The following ZNF98 variants were observed in gnomAD, a reference collection of about 807,000 sequenced individuals.
ZNF98 encodes the protein zinc finger protein 739.
A neutral mutation model predicts 12.8 loss-of-function variants in ZNF98; 8 were observed. The observed-to-expected ratio is 0.63, with a 90% CI of 0.37 to 1.13. The LOEUF (loss-of-function observed/expected upper bound fraction) is 1.13, where lower values mean the gene tolerates loss of function less well. Among genes scored for constraint, ZNF98 ranks in the 50% most tolerant of loss-of-function variants. ZNF98 has a pLI of 0.01. For missense variants in ZNF98, 379 were observed against 666.1 expected (o/e 0.57, Z 4.74); for synonymous variants, 112 against 223.5 (o/e 0.50, Z 4.45).
intron 3 of ZNF98, among the ~76,000 whole-genome samples, chr19:22,399,989 G>A (rs944735282): frequency 3.9e-5 from 6 of 152,142 alleles, no homozygotes; most frequent in African/African-American, 1.4e-4. Context: ...CTCTGCTAAT[G>A]CCCAAGATTG....
intron 3 of ZNF98, among the ~76,000 whole-genome samples, chr19:22,400,952 C>CG (rs200885386): frequency 0.018 from 1,680 of 95,292 alleles, 62 homozygotes; most frequent in African/African-American, 0.067. Flanking sequence ...GACACTGTCT[C>CG]AAAAAACAAA....
At chr19:22,401,762 G>C (rs1969460053) in intron 3 of ZNF98, among the ~76,000 whole-genome samples, 1 of 151,680 alleles carries the variant, frequency 6.6e-6, no homozygotes, top group Admixed American at 6.6e-5. Flanking sequence ...AGGGATTACA[G>C]GCGTGAGCCA....
rs117600560 is a variant in ZNF98 at position 22,399,957 on chromosome 19, A to G, written c.253+2832T>C. On this transcript the variant is annotated intron_variant, in intron 3 of 3. Transcript: ENST00000357774. ...ACAAGTGCCCTTAAAGAGCTTTGAGATCTATGGAGGGAGTTGTGAAACTCT... is the reference window on the plus strand; with the variant it reads ...ACAAGTGCCCTTAAAGAGCTTTGAGGTCTATGGAGGGAGTTGTGAAACTCT... Among the ~76,000 whole-genome samples the G allele has an allele frequency of 1.2e-4, 18 of 152,296 alleles. No individual in the cohort carries two copies. The East Asian group carries it at 2.7e-3, about 23-fold the overall frequency.
chr19:22,398,525 G>A (rs867057516), intron 3 of ZNF98, among the ~76,000 whole-genome samples: 25 of 151,802 alleles, frequency 1.6e-4, no homozygotes, highest in African/African-American at 5.3e-4. Flanking sequence ...GTCTGGCTAC[G>A]TTTTAAAATG....
At position 22,391,625 on chromosome 19, in the gene ZNF98, T is replaced by A; in HGVS notation, c.1610A>T (p.Lys537Met). Residue 537 changes from lysine to methionine, a missense_variant, in exon 4 of 4, where the codon AAG becomes ATG. Coordinates refer to ENST00000357774, the MANE Select transcript of ZNF98 (RefSeq NM_001098626.2). ...GAGTTTCTCTCCAGTATGAATCATC[T>A]TATGTCTGTTAAGAATAGAGGAGTT... ...FNNSSILNRHKMIHTGEKLYK... is the reference protein window; with the variant it reads ...FNNSSILNRHMMIHTGEKLYK... 1 of 1,613,624 alleles carries A rather than the reference T, an allele frequency of 6.2e-7. No individual in the cohort carries two copies. The highest frequency in any genetic ancestry group is 1.1e-5 in the South Asian group (1 of 91,032).
intron 1 of ZNF98, among the ~76,000 whole-genome samples, chr19:22,415,931 T>TAAA (rs35543907): frequency 1.0e-5 from 1 of 96,776 alleles, no homozygotes; most frequent in African/African-American, 4.3e-5. Flanking sequence ...CGTTCCTACT[T>TAAA]AAAAAAAAAA....
intron 1 of ZNF98, 73 bp downstream of exon 1, chr19:22,422,122 C>T: frequency 6.3e-7 from 1 of 1,593,064 alleles, no homozygotes; most frequent in Non-Finnish European, 8.6e-7. Flanking sequence ...GCCTGAGTCC[C>T]GCCACAGCCT....
intron 1 of ZNF98, among the ~76,000 whole-genome samples, chr19:22,404,089 G>A (rs1231161545): frequency 6.6e-6 from 1 of 152,186 alleles, no homozygotes; most frequent in African/African-American, 2.4e-5. Flanking sequence ...GCGTGGAGGC[G>A]AGAGCCTGTA....
At position 22,403,455 on chromosome 19, in the gene ZNF98, G is replaced by A; in HGVS notation, c.88C>T (p.Leu30=). The A allele has an allele frequency of 6.2e-7, 1 of 1,610,272 alleles. No individual in the cohort carries two copies. The highest frequency in any genetic ancestry group is 8.5e-7 in the Non-Finnish European group (1 of 1,179,192). Reference sequence around the variant, plus strand: ...TATAAATTCTGCTGTGCGGTGTCCAGGCATTGCCACTCCTCCAGAGAGAAT... The same window carrying A: ...TATAAATTCTGCTGTGCGGTGTCCAAGCATTGCCACTCCTCCAGAGAGAAT... The part of the protein sequence containing the change: ...LEFSLEEWQC[L]DTAQQNLYRN... Residue 30 remains leucine, a synonymous_variant, in exon 2 of 4, where the codon CTG becomes TTG. Transcript: ENST00000357774.
Position 22,413,738 on chromosome 19 carries a change from G to A in ZNF98, c.30+8457C>T, listed in dbSNP as rs767873834. 4.0e-4 allele frequency among the ~76,000 whole-genome samples: 61 copies of A among 151,894 alleles called. 1 individual carries two copies. Among genetic ancestry groups the A allele is most frequent in the Admixed American group, 1.1e-3 (16 of 15,224 alleles). Reference sequence around the variant, plus strand: ...ACACAAAATTAGCCAGGGTGGTGGCGCATGCCTGTAATCTCAGCTACTCAG... The same window carrying A: ...ACACAAAATTAGCCAGGGTGGTGGCACATGCCTGTAATCTCAGCTACTCAG... On this transcript the variant is annotated intron_variant, in intron 1 of 3. Coordinates refer to ENST00000357774, the MANE Select transcript of ZNF98 (RefSeq NM_001098626.2).
intron 3 of ZNF98, among the ~76,000 whole-genome samples, chr19:22,394,599 C>T (rs1467568974): frequency 6.6e-6 from 1 of 151,846 alleles, no homozygotes; most frequent in African/African-American, 2.4e-5. Context: ...GAAAACCAAA[C>T]ACCGCATGTT....
chr19:22,411,464 T>C (rs1969579444), intron 1 of ZNF98, among the ~76,000 whole-genome samples: 1 of 152,234 alleles, frequency 6.6e-6, no homozygotes, highest in South Asian at 2.1e-4. Flanking sequence ...AATTCTACCT[T>C]TGTGTCCAAC....
At chr19:22,417,496 A>G (rs75238205) in intron 1 of ZNF98, among the ~76,000 whole-genome samples, 5,367 of 152,172 alleles carry the variant, frequency 0.035, 324 homozygotes, top group African/African-American at 0.12. Context: ...ATAAAAATCT[A>G]TGAGTGGGAA....
chr19:22,401,608 C>T (rs1399678347), intron 3 of ZNF98, among the ~76,000 whole-genome samples: 1 of 151,584 alleles, frequency 6.6e-6, no homozygotes, highest in Admixed American at 6.6e-5. Context: ...CTCAGCCTCC[C>T]AAGTAGCTGG....
intron 1 of ZNF98, among the ~76,000 whole-genome samples, chr19:22,420,319 A>G (rs1969690311): frequency 6.6e-6 from 1 of 152,122 alleles, no homozygotes; most frequent in Non-Finnish European, 1.5e-5. Flanking sequence ...GAGTGCCCCA[A>G]GTGTATTTTA....
Position 22,391,728 on chromosome 19 carries a change from A to C in ZNF98, c.1507T>G (p.Ser503Ala), listed in dbSNP as rs752076106. 1.2e-6 allele frequency: 2 copies of C among 1,613,908 alleles called. No individual in the cohort carries two copies. The highest frequency in any genetic ancestry group is 1.7e-6 in the Non-Finnish European group (2 of 1,179,918). ...ATCATCTTATGTGTAGTAAGGTGTG[A>C]GGACTGGTTAAAAGCTTTGCCACAT... is the stretch of plus-strand genomic sequence containing the variant. ...EECGKAFNQS[S>A]HLTTHKMIHT... Residue 503 changes from serine (S) to alanine (A), a missense_variant, in exon 4 of 4, where the codon TCA (serine) becomes GCA (alanine). Physicochemically the swap from Ser to Ala is moderately conservative, Grantham distance 99 (BLOSUM62 1). Coordinates refer to ENST00000357774, the MANE Select transcript of ZNF98 (RefSeq NM_001098626.2).
intron 3 of ZNF98, among the ~76,000 whole-genome samples, chr19:22,395,178 G>GAAAAAAAA (rs71180538): frequency 5.0e-5 from 5 of 99,880 alleles, no homozygotes; most frequent in East Asian, 3.1e-4. Flanking sequence ...GTTTCAAAAA[G>GAAAAAAAA]AAAAAAAAAA....
chr19:22,393,879 A>G (rs1969360943), intron 3 of ZNF98, among the ~76,000 whole-genome samples: 1 of 152,146 alleles, frequency 6.6e-6, no homozygotes, highest in Admixed American at 6.6e-5. Context: ...TAAAGAAACT[A>G]CCACCAGAAT....
chr19:22,420,850 CA>C (rs1288306909), intron 1 of ZNF98, among the ~76,000 whole-genome samples: 1 of 152,020 alleles, frequency 6.6e-6, no homozygotes. Flanking sequence ...CTAGGGAAGA[CA>C]AAAGAAAAAG....
Sources: gnomAD v4.1 joint callset for allele counts (sites outside exome capture counted in the v4.1 genomes callset) on GRCh38, gnomAD v4.1.1 for gene constraint, MANE v1.5 for transcripts, NCBI Gene and HGNC (gene_info 2026-07-23, HGNC 2026-07-21) for gene names.